Variants in VPS11 observed in about 807,000 individuals in gnomAD.
The protein encoded by VPS11 is VPS11 core subunit of CORVET and HOPS complexes.
VPS11 carries 51 observed loss-of-function variants against 106.8 expected under a neutral mutation model. The observed-to-expected ratio is 0.48, with a 90% CI of 0.38 to 0.60. The LOEUF is 0.60. Among genes scored for constraint, VPS11 ranks in the 20% least tolerant of loss-of-function variants. The pLI is 0.00. For synonymous variants in VPS11, 453 were observed against 458.7 expected (o/e 0.99, Z 0.16); for missense variants, 950 against 1,190.0 (o/e 0.80, Z 2.97).
intron 4 of VPS11, 21 bp from the exon 5 acceptor site, chr11:119,071,575 C>G: frequency 6.2e-7 from 1 of 1,612,646 alleles, no homozygotes; most frequent in South Asian, 1.1e-5. Flanking sequence ...AGCCTGTTAA[C>G]CCCTTTGTTG....
In VPS11 at chr11:119,067,843, G is replaced by C. The variant is rs2133639010; in HGVS notation, c.20G>C (p.Trp7Ser). 1 of 1,552,204 alleles carries C rather than the reference G, an allele frequency of 6.4e-7. No individual in the cohort carries two copies. The highest frequency in any genetic ancestry group is 1.2e-5 in the South Asian group (1 of 84,696). The stretch of plus-strand genomic sequence containing the variant: ...GCCAAAATGGCGGCCTACCTGCAGT[G>C]GCGGCGCTTCGTTTTCTTCGACAAG... MAAYLQ[W>S]RRFVFFDKEL... The change falls in exon 1 of 16, where the codon TGG becomes TCG. Residue 7 changes from tryptophan (W) to serine (S), a missense_variant. By Grantham distance (177) the Trp-to-Ser change is radical (BLOSUM62 -3). This residue lies in a region of VPS11 where 62 missense variants were observed against 45.1 expected (regional missense o/e 1.37). Coordinates refer to ENST00000621676, the MANE Select transcript of VPS11 (RefSeq NM_021729.6).
At position 119,078,527 on chromosome 11, in the gene VPS11, C is replaced by T. The variant is rs782798556; in HGVS notation, c.1924-38C>T. ...TGTCCCAAGAGACCTTGTGATTTTC[C>T]CCTTTTGTCCAGCAGCTCTGCCCTC... is the stretch of plus-strand genomic sequence containing the variant. On this transcript the variant is annotated intron_variant, in intron 11 of 15. Coordinates refer to ENST00000621676, the MANE Select transcript of VPS11 (RefSeq NM_021729.6). 5.0e-6 allele frequency: 8 copies of T among 1,597,760 alleles called. No homozygotes were observed. In the African/African-American group the frequency reaches 9.4e-5, roughly 19 times the overall value.
At chr11:119,074,116 G>T (rs1030157548) in intron 7 of VPS11, among the ~76,000 whole-genome samples, 165 bp downstream of exon 7, 1 of 151,974 alleles carries the variant, frequency 6.6e-6, no homozygotes, top group African/African-American at 2.4e-5. Flanking sequence ...ATGGAGTTTC[G>T]CTCTTGTTGT....
chr11:119,075,558 A>G (rs1945576810), intron 7 of VPS11, among the ~76,000 whole-genome samples: 1 of 150,840 alleles, frequency 6.6e-6, no homozygotes, highest in Non-Finnish European at 1.5e-5. Flanking sequence ...AAAAAAAAAA[A>G]AAAAAATACA....
At chr11:119,068,131 AGTT>A in intron 1 of VPS11, 121 bp downstream of exon 1, 1 of 1,180,298 alleles carries the variant, frequency 8.5e-7, no homozygotes, top group South Asian at 1.6e-5. Flanking sequence ...GGTCATCCAG[AGTT>A]GTTCTGTGGT....
Position 119,073,944 on chromosome 11 carries a change from T to C in VPS11, c.1231T>C (p.Tyr411His). The C allele has an allele frequency of 6.2e-7, 1 of 1,611,942 alleles. No homozygotes were observed. Among genetic ancestry groups the C allele is most frequent in the Non-Finnish European group, 8.5e-7 (1 of 1,178,948 alleles). Reference sequence around the variant, plus strand: ...CAACCACGATGGGGCTGTCCAGCAATATATCCGGTCAGTCTGGAGGCACTT... The same window carrying C: ...CAACCACGATGGGGCTGTCCAGCAACATATCCGGTCAGTCTGGAGGCACTT... ...KGNHDGAVQQ[Y>H]IRTIGKLEPS... The change falls in exon 7 of 16, where the codon TAT (tyrosine) becomes CAT (histidine). Residue 411 changes from tyrosine (Y) to histidine (H), a missense_variant. Tyr to His is a moderately conservative substitution (Grantham distance 83). Transcript: ENST00000621676.
chr11:119,078,811 C>T lies in VPS11; in HGVS notation c.2080C>T (p.His694Tyr). ...CGGCCGCAGGTTCCAGCAGATCATG[C>T]ACTACCACATGCAGCACGAGCAGTA... ...EQGKLFQQIM[H>Y]YHMQHEQYRQ... is the part of the protein sequence containing the mutation. Residue 694 changes from histidine (H) to tyrosine (Y), a missense_variant, in exon 13 of 16, where the codon CAC (histidine) becomes TAC (tyrosine). His to Tyr is a moderately conservative substitution (Grantham distance 83, BLOSUM62 2). Coordinates refer to ENST00000621676, the MANE Select transcript of VPS11 (RefSeq NM_021729.6). The T allele has an allele frequency of 6.2e-7, 1 of 1,613,522 alleles. No homozygotes were observed. Among genetic ancestry groups the T allele is most frequent in the Non-Finnish European group, 8.5e-7 (1 of 1,179,680 alleles).
At chr11:119,075,208 A>C (rs1170970636) in intron 7 of VPS11, among the ~76,000 whole-genome samples, 3 of 151,774 alleles carry the variant, frequency 2.0e-5, no homozygotes, top group Admixed American at 2.0e-4. Context: ...CGGAGCTTGC[A>C]GTGAGCCGAG....
In VPS11 at chr11:119,077,533, G is replaced by A. The variant is rs967096859; in HGVS notation, c.1458G>A (p.Val486=). The A allele has an allele frequency of 6.8e-6, 11 of 1,613,900 alleles. No homozygotes were observed. The African/African-American group carries it at 1.5e-4, about 22-fold the overall frequency. ...KKSESEVHFD[V]ETAIKVLRQA... ...GTGAGAGTGAAGTCCACTTTGATGT[G>A]GAGACAGCCATCAAGGTCCTCCGGC... is the stretch of plus-strand genomic sequence containing the variant. Residue 486 remains valine (V), a synonymous_variant, in exon 9 of 16, where the codon GTG becomes GTA. Coordinates refer to ENST00000621676, the MANE Select transcript of VPS11 (RefSeq NM_021729.6).
chr11:119,071,357 T>C (rs1786690), intron 4 of VPS11, among the ~76,000 whole-genome samples: 69,725 of 152,138 alleles, frequency 0.46, 17,472 homozygotes, highest in African/African-American at 0.66. Flanking sequence ...TATTACATTT[T>C]TCTTACTTGC....
Position 119,069,332 on chromosome 11 carries a change from C to T in VPS11, c.324C>T (p.Gly108=). ...CATCTGTTGGAGAAGATGAAGAGGG[C>T]ATCAACCCCTTGGTGAGTCCCAGCA... The part of the protein sequence containing the change: ...ILASVGEDEE[G]INPLVKIWNL... Residue 108 remains glycine (G), a synonymous_variant, in exon 2 of 16, where the codon GGC becomes GGT. Coordinates refer to ENST00000621676, the MANE Select transcript of VPS11 (RefSeq NM_021729.6). 3 of 1,614,010 alleles carry T rather than the reference C, an allele frequency of 1.9e-6. No homozygotes were observed. The highest frequency in any genetic ancestry group is 1.7e-6 in the Non-Finnish European group (2 of 1,179,894).
At position 119,073,931 on chromosome 11, in the gene VPS11, G is replaced by A. The variant is rs781887820; in HGVS notation, c.1218G>A (p.Gly406=). 57 of 1,612,962 alleles carry A rather than the reference G, an allele frequency of 3.5e-5. No individual in the cohort carries two copies. Among genetic ancestry groups the A allele is most frequent in the Non-Finnish European group, 4.7e-5 (56 of 1,179,502 alleles). ...DHLYSKGNHD[G]AVQQYIRTIG... is the part of the protein sequence containing the mutation. ...TCTACAGCAAGGGCAACCACGATGG[G>A]GCTGTCCAGCAATATATCCGGTCAG... is the stretch of plus-strand genomic sequence containing the variant. The change falls in exon 7 of 16, where the codon GGG becomes GGA. Residue 406 remains glycine, a synonymous_variant. Coordinates refer to ENST00000621676, the MANE Select transcript of VPS11 (RefSeq NM_021729.6).
At chr11:119,080,561 G>A (rs1945815912) in intron 14 of VPS11, among the ~76,000 whole-genome samples, 1 of 151,212 alleles carries the variant, frequency 6.6e-6, no homozygotes, top group South Asian at 2.1e-4. Context: ...TAGAGACTGG[G>A]TTTCACCATA....
In VPS11 at chr11:119,076,985, C is replaced by T. The variant is rs372388006; in HGVS notation, c.1327C>T (p.Leu443=). The T allele has an allele frequency of 1.9e-6, 3 of 1,613,950 alleles. No homozygotes were observed. The highest frequency in any genetic ancestry group is 2.5e-6 in the Non-Finnish European group (3 of 1,179,858). The change falls in exon 8 of 16, where the codon CTG becomes TTG. Residue 443 remains leucine (L), a synonymous_variant. Coordinates refer to ENST00000621676, the MANE Select transcript of VPS11 (RefSeq NM_021729.6). ...CAACCTGACTGCCTACCTGCAGACC[C>T]TGCACCGACAATCCCTGGCCAATGC... ...IHNLTAYLQT[L]HRQSLANADH...
At chr11:119,072,014 A>G in intron 5 of VPS11, 171 bp downstream of exon 5, 3 of 868,088 alleles carry the variant, frequency 3.5e-6, no homozygotes, top group Middle Eastern at 3.7e-4. Flanking sequence ...TCTGTCACCC[A>G]GGAGTGCAGT....
At chr11:119,073,764 A>G (rs985505134) in intron 6 of VPS11, 36 bp from the exon 7 acceptor site, 25 of 1,592,536 alleles carry the variant, frequency 1.6e-5, no homozygotes, top group Non-Finnish European at 2.2e-5. Context: ...TCCCAGGACC[A>G]CTTCTACCAA....
chr11:119,073,099 G>C, intron 5 of VPS11, 99 bp from the exon 6 acceptor site: 1 of 1,378,436 alleles, frequency 7.3e-7, no homozygotes. Context: ...GAGGTGATTT[G>C]TGCTGGGTGA....
intron 4 of VPS11, 134 bp downstream of exon 4, chr11:119,070,531 C>T: frequency 9.7e-7 from 1 of 1,028,786 alleles, no homozygotes; most frequent in Non-Finnish European, 1.3e-6. Context: ...ATTTGCCTAG[C>T]TTTGTATTTT....
chr11:119,078,150 T>C, intron 10 of VPS11, 23 bp from the exon 11 acceptor site: 1 of 1,611,384 alleles, frequency 6.2e-7, no homozygotes, highest in South Asian at 1.1e-5. Flanking sequence ...TTCAGCCTCC[T>C]TTTTCCTCTC....
Sources: gnomAD v4.1 joint callset for allele counts (sites outside exome capture counted in the v4.1 genomes callset) on GRCh38, gnomAD v4.1.1 for gene constraint, gnomAD v4.1.1 regional missense constraint, MANE v1.5 for transcripts, NCBI Gene and HGNC (gene_info 2026-07-23, HGNC 2026-07-21) for gene names.